Variants in HPS1 observed in about 807,000 individuals in gnomAD.
The protein encoded by HPS1 is BLOC-3 complex member HPS1.
HPS1 carries 59 observed loss-of-function variants against 90.6 expected under a neutral mutation model. The ratio of observed to expected loss-of-function variants is 0.65; its 90% CI spans 0.53 to 0.81. The LOEUF (loss-of-function observed/expected upper bound fraction) is 0.81, where lower values mean the gene tolerates loss of function less well. HPS1 is among the 30% of genes least tolerant of loss of function. The probability of loss-of-function intolerance (pLI) is 0.00; values close to 1 mark genes in which losing one functional copy is unlikely to be tolerated. For synonymous variants in HPS1, 388 were observed against 384.4 expected, an observed-to-expected ratio of 1.01 and a Z score of -0.11; for missense variants, 849 against 896.7, an observed-to-expected ratio of 0.95 and a Z score of 0.68.
downstream of HPS1, chr10:98,414,729 C>T (rs1052284842): frequency 5.0e-5 from 20 of 401,676 alleles, no homozygotes; most frequent in Middle Eastern, 2.6e-3. Context: ...CCCCTGAGCT[C>T]ACCTAGTCTT....
intron 10 of HPS1, 47 bp downstream of exon 10, chr10:98,429,526 C>T (rs775214066): frequency 8.1e-6 from 13 of 1,613,856 alleles, no homozygotes; most frequent in South Asian, 2.2e-5. Flanking sequence ...GGCTGCCTGT[C>T]GCTCGCAGCT....
chr10:98,433,833 A>C, intron 6 of HPS1, 150 bp downstream of exon 6: 18 of 1,112,066 alleles, frequency 1.6e-5, no homozygotes, highest in East Asian at 2.7e-5. Context: ...AACCCTCCAT[A>C]TGGCCAGAAA....
At chr10:98,441,941 T>A (rs1938500362) in intron 3 of HPS1, among the ~76,000 whole-genome samples, 1 of 152,244 alleles carries the variant, frequency 6.6e-6, no homozygotes, top group African/African-American at 2.4e-5. Flanking sequence ...AAGTTACACA[T>A]ACACCTACAT....
chr10:98,435,141 T>C lies in HPS1; in HGVS notation c.398+131A>G. On this transcript the variant is annotated intron_variant, in intron 5 of 19. Coordinates refer to ENST00000361490, the MANE Select transcript of HPS1 (RefSeq NM_000195.5). This position sits in a 1 kb window ranked among gnomAD's most constrained non-coding sequence, Gnocchi z 4.3. ...TGGTCTCCAAGGTTCACTTGAGCTG[T>C]TTCTCTGACCTAGGGACCCAGCTGG... 1.9e-6 allele frequency: 2 copies of C among 1,053,264 alleles called. No homozygotes were observed. Among genetic ancestry groups the C allele is most frequent in the East Asian group, 4.9e-5 (2 of 40,992 alleles). 65.2% of individuals were successfully genotyped at this position (1,053,264 alleles called of 1,614,324 possible). A position where few individuals can be genotyped will look rare whatever the true frequency, so the allele number is the denominator to read the frequency against.
At position 98,431,287 on chromosome 10, in the gene HPS1, A is replaced by G. The variant is rs746538399; in HGVS notation, c.512T>C (p.Leu171Pro). The G allele has an allele frequency of 1.9e-6, 3 of 1,613,602 alleles. No homozygotes were observed. Among genetic ancestry groups the G allele is most frequent in the South Asian group, 2.2e-5 (2 of 91,070 alleles). The change falls in exon 7 of 20, where the codon CTG becomes CCG. Residue 171 changes from leucine (L) to proline (P), a missense_variant. Transcript: ENST00000361490. ...GAGCTGGGGGTGAATCAGTCGCTCC[A>G]GGGCCTAGCCAGGGCAGGAAGGGAG... ...EQEQCFAVEA[L>P]ERLIHPQLCE... is the part of the protein sequence containing the mutation.
At chr10:98,423,982 G>A in intron 14 of HPS1, 95 bp from the exon 15 acceptor site, 1 of 1,517,480 alleles carries the variant, frequency 6.6e-7, no homozygotes, top group South Asian at 1.1e-5. Flanking sequence ...AGGACAGACA[G>A]ACCTGGGGAG....
Position 98,420,148 on chromosome 10 carries a change from A to C in HPS1, c.1754T>G (p.Leu585Arg). The C allele has an allele frequency of 6.2e-7, 1 of 1,612,786 alleles. No individual in the cohort carries two copies. The highest frequency in any genetic ancestry group is 8.5e-7 in the Non-Finnish European group (1 of 1,178,806). The change falls in exon 18 of 20, where the codon CTG (leucine) becomes CGG (arginine). Residue 585 changes from leucine (L) to arginine (R), a missense_variant. Leu to Arg is a moderately radical substitution (Grantham distance 102). Transcript: ENST00000361490. ...CAGGTATCTGCGCGCCAGCTGGATC[A>C]GAGACCAGACCTGGGGAAAAGACAG... ...AAFVKTKVWS[L>R]IQLARRYLQK...
At chr10:98,438,356 A>G (rs996714175) in intron 3 of HPS1, among the ~76,000 whole-genome samples, 2 of 152,214 alleles carry the variant, frequency 1.3e-5, no homozygotes, top group African/African-American at 4.8e-5. Context: ...AATGCTTTTG[A>G]ACAAAATTCT....
Position 98,435,396 on chromosome 10 carries a change from T to A in HPS1, c.274A>T (p.Ile92Phe). ...VLHLFGECLF[I>F]AINGDHTESE... is the part of the protein sequence containing the mutation. ...TCGGTGTGGTCACCATTGATGGCAA[T>A]GAACAGGCATTCTCCAAACTGCAGG... Residue 92 changes from isoleucine to phenylalanine, a missense_variant, in exon 5 of 20, where the codon ATT becomes TTT. Physicochemically the swap from Ile to Phe is conservative, Grantham distance 21. Transcript: ENST00000361490. The surrounding 1 kb of genome is among the most constrained non-coding windows in gnomAD (Gnocchi z 4.3). 6.2e-7 allele frequency: 1 copy of A among 1,613,762 alleles called. No individual in the cohort carries two copies. Among genetic ancestry groups the A allele is most frequent in the Non-Finnish European group, 8.5e-7 (1 of 1,179,992 alleles).
Position 98,417,239 on chromosome 10 carries a change from CAGGGAACAGCAGAGAT to C in HPS1, c.*309_*324del. 4.6e-6 allele frequency: 1 copy of C among 215,444 alleles called. No homozygotes were observed. The highest frequency in any genetic ancestry group is 1.3e-4 in the South Asian group (1 of 7,754). The allele number at this position is 215,444 out of a possible 1,614,324, so 13.3% of individuals were successfully genotyped here. ...GCTTGCTGGGTGGGCTTCCTCCACG[CAGGGAACAGCAGAGAT>C]GGGGCTTCCTCCCCATCTCCCAGGA... On this transcript the variant is annotated 3_prime_UTR_variant, in exon 20 of 20. Coordinates refer to ENST00000361490, the MANE Select transcript of HPS1 (RefSeq NM_000195.5). The surrounding 1 kb of genome is among the most constrained non-coding windows in gnomAD (Gnocchi z 4.2).
rs1737 is a variant in HPS1 at position 98,416,609 on chromosome 10, T to C, written c.*955A>G. The C allele has an allele frequency of 0.46, 70,210 of 152,350 alleles. 18,086 individuals carry two copies. Among genetic ancestry groups the C allele is most frequent in the African/African-American group, 0.69 (28,481 of 41,528 alleles). The allele number at this position is 152,350 out of a possible 1,614,324, so 9.4% of individuals were successfully genotyped here. Reference sequence around the variant, plus strand: ...AGACACAGAAGGCGAGGCTCCTGCATGCACAGCACACGGCCATCTGATCCT... The same window carrying C: ...AGACACAGAAGGCGAGGCTCCTGCACGCACAGCACACGGCCATCTGATCCT... On this transcript the variant is annotated 3_prime_UTR_variant, in exon 20 of 20. Coordinates refer to ENST00000361490, the MANE Select transcript of HPS1 (RefSeq NM_000195.5).
At chr10:98,426,399 A>G (rs1255545066) in intron 11 of HPS1, among the ~76,000 whole-genome samples, 2 of 152,222 alleles carry the variant, frequency 1.3e-5, no homozygotes, top group Admixed American at 1.3e-4. Context: ...AGCCACTCAA[A>G]TTGGGGAAAC....
chr10:98,421,016 G>A (rs1844780721), intron 17 of HPS1, among the ~76,000 whole-genome samples: 1 of 152,244 alleles, frequency 6.6e-6, no homozygotes. Flanking sequence ...ATGTCCTCCT[G>A]CCTGACGCAG....
chr10:98,431,503 C>T (rs1306552070), intron 6 of HPS1: 1 of 602,334 alleles, frequency 1.7e-6, no homozygotes, highest in Non-Finnish European at 3.0e-6. Context: ...CAAGGCAATA[C>T]ACAAGGAAAT....
At chr10:98,426,240 C>A in intron 11 of HPS1, 1 of 517,034 alleles carries the variant, frequency 1.9e-6, no homozygotes, top group Non-Finnish European at 3.5e-6. Context: ...GGCAGAGGGG[C>A]TGGGTGGTGG....
At position 98,443,426 on chromosome 10, in the gene HPS1, C is replaced by T. The variant is rs190628248; in HGVS notation, c.1-186G>A. ...GGACAAAGTAGAACTCTTCAGGTACCCCCATTTTAGAGAGCAGGACACAGG... is the reference window on the plus strand; with the variant it reads ...GGACAAAGTAGAACTCTTCAGGTACTCCCATTTTAGAGAGCAGGACACAGG... On this transcript the variant is annotated intron_variant, in intron 2 of 19. Coordinates refer to ENST00000361490, the MANE Select transcript of HPS1 (RefSeq NM_000195.5). Among the ~76,000 whole-genome samples the T allele has an allele frequency of 9.5e-4, 145 of 152,290 alleles. 1 individual carries two copies. Among genetic ancestry groups the T allele is most frequent in the African/African-American group, 3.3e-3 (138 of 41,564 alleles).
In HPS1 at chr10:98,422,365, T is replaced by C; in HGVS notation, c.1743+4A>G. On this transcript the variant is annotated splice_donor_region_variant and intron_variant, in intron 17 of 19. Transcript: ENST00000361490. ...CCATCCCCGCCCTGGGTCCAAATGG[T>C]TACCTTAGTTTTGACAAAGGCAGCC... 1 of 1,602,774 alleles carries C rather than the reference T, an allele frequency of 6.2e-7. No individual in the cohort carries two copies. Among genetic ancestry groups the C allele is most frequent in the African/African-American group, 1.3e-5 (1 of 74,532 alleles).
downstream of HPS1, chr10:98,414,158 T>C (rs904820118): frequency 1.3e-5 from 2 of 152,010 alleles, no homozygotes; most frequent in African/African-American, 2.4e-5. Flanking sequence ...GAGTGTTGAG[T>C]ATCTACCAGC....
At chr10:98,424,260 G>T in intron 14 of HPS1, 53 bp downstream of exon 14, 2 of 1,357,474 alleles carry the variant, frequency 1.5e-6, no homozygotes, top group East Asian at 2.3e-5. Context: ...GCCTCCCAGG[G>T]AACAGTCCCC....
Sources: allele counts gnomAD v4.1 joint callset (sites outside exome capture counted in the v4.1 genomes callset), GRCh38; gene constraint gnomAD v4.1.1; non-coding constraint Gnocchi (gnomAD v3.1); transcripts MANE v1.5; gene names NCBI Gene and HGNC (gene_info 2026-07-23, HGNC 2026-07-21).